The following STOX1 variants were observed in gnomAD, a reference collection of about 807,000 sequenced individuals.
The protein encoded by STOX1 is storkhead box 1.
Under a neutral mutation model 74.8 loss-of-function variants are expected in STOX1, and 57 were observed. That is an observed-to-expected ratio of 0.76 (90% CI 0.62 to 0.95). STOX1 has a LOEUF of 0.95. Ranked by LOEUF, STOX1 falls within the 40% of genes least tolerant of loss-of-function variation. STOX1 has a pLI of 0.00. For missense variants in STOX1, 1,010 were observed against 1,117.0 expected (o/e 0.90, Z 1.37); for synonymous variants, 375 against 401.3 (o/e 0.93, Z 0.78).
chr10:68,882,114 G>A lies in STOX1; in HGVS notation c.463+4G>A. On this transcript the variant is annotated splice_donor_region_variant and intron_variant, in intron 2 of 3. Transcript: ENST00000298596. ...CGTTTGATGAAACATTACCCAGGTA[G>A]AGTAATAAATTTTTGTCTATTTGTA... 4 of 1,613,464 alleles carry A rather than the reference G, an allele frequency of 2.5e-6. No individual in the cohort carries two copies. Among genetic ancestry groups the A allele is most frequent in the Non-Finnish European group, 3.4e-6 (4 of 1,179,564 alleles).
At chr10:68,866,946 T>G (rs1467027118) in intron 1 of STOX1, among the ~76,000 whole-genome samples, 1 of 72,532 alleles carries the variant, frequency 1.4e-5, no homozygotes, top group Admixed American at 1.6e-4. Flanking sequence ...GCTTTCCTTG[T>G]TTTTTTTTTT....
rs893922522 is a variant in STOX1, at chr10:68,888,097, G to T, written c.2822+1479G>T. Among the ~76,000 whole-genome samples, 3 of 151,272 alleles carry T rather than the reference G, an allele frequency of 2.0e-5. No individual in the cohort carries two copies. In the East Asian group the frequency reaches 5.9e-4, roughly 29 times the overall value. Reference sequence around the variant, plus strand: ...CGCGCGCACACACGCACACACACGCGCACACACACATATATGTTTTGAGAT... The same window carrying T: ...CGCGCGCACACACGCACACACACGCTCACACACACATATATGTTTTGAGAT... On this transcript the variant is annotated intron_variant, in intron 3 of 3. Transcript: ENST00000298596.
At chr10:68,831,639 C>G (rs1245036014) in intron 1 of STOX1, among the ~76,000 whole-genome samples, 2 of 152,098 alleles carry the variant, frequency 1.3e-5, no homozygotes, top group Non-Finnish European at 2.9e-5. Flanking sequence ...AGACCTGGGA[C>G]TTACAAGGTA....
intron 1 of STOX1, among the ~76,000 whole-genome samples, chr10:68,867,372 G>A (rs1320790001): frequency 6.6e-6 from 1 of 152,140 alleles, no homozygotes; most frequent in Non-Finnish European, 1.5e-5. Flanking sequence ...TGTTGATCTG[G>A]GGGGTATATC....
chr10:68,868,253 G>A (rs1193470608), intron 1 of STOX1, among the ~76,000 whole-genome samples: 1 of 152,236 alleles, frequency 6.6e-6, no homozygotes, highest in Non-Finnish European at 1.5e-5. Context: ...GCCTCGAACA[G>A]AGTTTGACCC....
chr10:68,893,095 A>G (rs1564592409), downstream of STOX1: 1 of 229,980 alleles, frequency 4.3e-6, no homozygotes, highest in Non-Finnish European at 8.6e-6. Context: ...ACCTACACTA[A>G]TATTGAGTTC....
At chr10:68,842,745 C>T (rs7897492) in intron 1 of STOX1, among the ~76,000 whole-genome samples, 39,209 of 151,672 alleles carry the variant, frequency 0.26, 5,572 homozygotes, top group African/African-American at 0.39. Context: ...TTCACCATCT[C>T]GGCCAGGCTG....
At chr10:68,849,805 AAGG>A (rs1839935413) in intron 1 of STOX1, among the ~76,000 whole-genome samples, 1 of 152,158 alleles carries the variant, frequency 6.6e-6, no homozygotes. Context: ...AATTACCTGC[AAGG>A]AGGAGTTTTT....
At chr10:68,850,145 G>A (rs576755003) in intron 1 of STOX1, among the ~76,000 whole-genome samples, 1 of 152,226 alleles carries the variant, frequency 6.6e-6, no homozygotes, top group East Asian at 1.9e-4. Context: ...CTCCTGAGTA[G>A]CTGGGACTAC....
intron 1 of STOX1, among the ~76,000 whole-genome samples, chr10:68,829,212 C>G (rs1340262822): frequency 6.6e-6 from 1 of 152,226 alleles, no homozygotes; most frequent in African/African-American, 2.4e-5. Context: ...CGGTGGCGCT[C>G]GCCTGTAATC....
chr10:68,828,645 A>AGG (rs1470512937), intron 1 of STOX1, among the ~76,000 whole-genome samples: 1 of 152,302 alleles, frequency 6.6e-6, no homozygotes, highest in African/African-American at 2.4e-5. Context: ...GCGGTTAGGA[A>AGG]GGGTACCCCA....
At chr10:68,829,764 C>T (rs1330105040) in intron 1 of STOX1, among the ~76,000 whole-genome samples, 3 of 151,916 alleles carry the variant, frequency 2.0e-5, no homozygotes, top group Non-Finnish European at 2.9e-5. Context: ...CTTTGCAAAA[C>T]CACATATACA....
intron 1 of STOX1, among the ~76,000 whole-genome samples, chr10:68,845,734 T>A (rs1484048151): frequency 6.6e-6 from 1 of 151,804 alleles, no homozygotes; most frequent in African/African-American, 2.4e-5. Context: ...CCCGAGTATC[T>A]GGGATTATAG....
intron 3 of STOX1, among the ~76,000 whole-genome samples, chr10:68,888,181 A>G (rs1003863783): frequency 3.1e-4 from 47 of 151,354 alleles, no homozygotes; most frequent in African/African-American, 1.1e-3. Flanking sequence ...GCTGACTGCA[A>G]CCTCCGCCTC....
intron 1 of STOX1, among the ~76,000 whole-genome samples, chr10:68,841,969 C>T (rs73266435): frequency 0.016 from 2,455 of 152,126 alleles, 71 homozygotes; most frequent in African/African-American, 0.056. Context: ...GGACAGAGAT[C>T]ACAGTAAAAA....
At chr10:68,831,593 C>G (rs1001876170) in intron 1 of STOX1, among the ~76,000 whole-genome samples, 14 of 152,120 alleles carry the variant, frequency 9.2e-5, no homozygotes, top group African/African-American at 3.1e-4. Context: ...TGGCGGTCAG[C>G]TTTATAAGTC....
At chr10:68,867,880 C>T (rs757084544) in intron 1 of STOX1, among the ~76,000 whole-genome samples, 1 of 152,242 alleles carries the variant, frequency 6.6e-6, no homozygotes, top group Non-Finnish European at 1.5e-5. Context: ...ACTAAAAAGC[C>T]GCATAAGGCG....
Position 68,880,250 on chromosome 10 carries a change from A to C in STOX1, c.311-1708A>C, listed in dbSNP as rs554765932. Among the ~76,000 whole-genome samples, 5 of 148,544 alleles carry C rather than the reference A, an allele frequency of 3.4e-5. No individual in the cohort carries two copies. The South Asian group carries it at 1.1e-3, about 31-fold the overall frequency. On this transcript the variant is annotated intron_variant, in intron 1 of 3. Transcript: ENST00000298596. Reference sequence around the variant, plus strand: ...TACGCAGGAGTGCAATGGTGCAGTCATAGCTCATTTCAGCCTCTAACTCCT... The same window carrying C: ...TACGCAGGAGTGCAATGGTGCAGTCCTAGCTCATTTCAGCCTCTAACTCCT...
At chr10:68,861,122 A>AG (rs1840256693) in intron 1 of STOX1, among the ~76,000 whole-genome samples, 1 of 152,056 alleles carries the variant, frequency 6.6e-6, no homozygotes, top group African/African-American at 2.4e-5. Flanking sequence ...TGGAGACCCC[A>AG]ACCCAGCAGT....
Sources: gnomAD v4.1 joint callset for allele counts (sites outside exome capture counted in the v4.1 genomes callset) on GRCh38, gnomAD v4.1.1 for gene constraint, MANE v1.5 for transcripts, NCBI Gene and HGNC (gene_info 2026-07-23, HGNC 2026-07-21) for gene names.